Variants in CD55 observed in about 807,000 individuals in gnomAD.
The protein encoded by CD55 is CD55 molecule (Cromer blood group).
A neutral mutation model predicts 45.8 loss-of-function variants in CD55; 41 were observed. That is an observed-to-expected ratio of 0.90 (90% CI 0.70 to 1.16). CD55 has a LOEUF of 1.16. Ranked by LOEUF, CD55 falls within the 50% of genes most tolerant of loss-of-function variation. The pLI is 0.00. For synonymous variants in CD55, 181 were observed against 181.1 expected, an observed-to-expected ratio of 1.00 and a Z score of 0.01; for missense variants, 416 against 469.8, an observed-to-expected ratio of 0.89 and a Z score of 1.06.
At chr1:207,347,043 CT>C (rs1026992694) in intron 9 of CD55, 19 of 453,082 alleles carry the variant, frequency 4.2e-5, no homozygotes, top group African/African-American at 6.0e-5. Flanking sequence ...TCCTTCCTTG[CT>C]TTGGTGCATC....
intron 9 of CD55, among the ~76,000 whole-genome samples, chr1:207,358,044 A>G (rs1190145566): frequency 6.6e-6 from 1 of 152,176 alleles, no homozygotes; most frequent in Non-Finnish European, 1.5e-5. Flanking sequence ...AACCACAGAT[A>G]AGCAGACTAA....
At chr1:207,329,389 G>GT (rs1654839324) in intron 5 of CD55, among the ~76,000 whole-genome samples, 1 of 152,120 alleles carries the variant, frequency 6.6e-6, no homozygotes, top group South Asian at 2.1e-4. Context: ...CTCTATTAAT[G>GT]TTTCATCCAT....
chr1:207,340,791 T>G (rs897251790), intron 9 of CD55: 2 of 444,744 alleles, frequency 4.5e-6, no homozygotes, highest in African/African-American at 4.1e-5. Flanking sequence ...TGGTTTTATT[T>G]TCCTTTGGAT....
chr1:207,330,492 T>C (rs1441353547), intron 5 of CD55, among the ~76,000 whole-genome samples: 1 of 152,150 alleles, frequency 6.6e-6, no homozygotes, highest in Non-Finnish European at 1.5e-5. Flanking sequence ...TAAGATTGTT[T>C]TGAGTGAAGT....
intron 9 of CD55, among the ~76,000 whole-genome samples, chr1:207,341,568 A>G (rs1655428103): frequency 6.6e-6 from 1 of 152,140 alleles, no homozygotes; most frequent in Non-Finnish European, 1.5e-5. Flanking sequence ...AGCTATAAAT[A>G]TGTGGATTTA....
chr1:207,333,682 T>A (rs796699610), intron 6 of CD55, among the ~76,000 whole-genome samples: 1 of 152,120 alleles, frequency 6.6e-6, no homozygotes. Context: ...AAAAGAGAAC[T>A]TCAGTTGGAA....
chr1:207,352,844 T>C (rs1157849320), intron 9 of CD55, among the ~76,000 whole-genome samples: 1 of 152,130 alleles, frequency 6.6e-6, no homozygotes, highest in African/African-American at 2.4e-5. Flanking sequence ...AATATTTACA[T>C]GTTTTCTCTG....
chr1:207,359,516 C>CTTTT (rs56236833), intron 9 of CD55, 30 bp from the exon 10 acceptor site: 23,876 of 1,269,042 alleles, frequency 0.019, 31 homozygotes, highest in Middle Eastern at 0.027. Flanking sequence ...TTGATTTTAA[C>CTTTT]TTTTTTTTTT....
chr1:207,350,474 A>G (rs949050081), intron 9 of CD55, among the ~76,000 whole-genome samples: 1 of 152,144 alleles, frequency 6.6e-6, no homozygotes, highest in African/African-American at 2.4e-5. Context: ...CTGTGAATCC[A>G]TCTGGTACAG....
intron 6 of CD55, among the ~76,000 whole-genome samples, chr1:207,335,761 G>C (rs1655144464): frequency 6.6e-6 from 1 of 152,066 alleles, no homozygotes; most frequent in South Asian, 2.1e-4. Flanking sequence ...GAGTTCCTAG[G>C]GCATCCCGTG....
rs544980748 is a variant in CD55, at chr1:207,327,904, A to G, written c.664+1067A>G. Among the ~76,000 whole-genome samples the G allele has an allele frequency of 6.6e-5, 10 of 152,252 alleles. No individual in the cohort carries two copies. In the South Asian group the frequency reaches 2.1e-3, roughly 32 times the overall value. On this transcript the variant is annotated intron_variant, in intron 5 of 9. Transcript: ENST00000367064. The stretch of plus-strand genomic sequence containing the variant: ...TGTAGTTGTTTTTAAATTTTTCATC[A>G]TTGCTACCCAGTAGCACCTTTCCCA...
At chr1:207,331,711 T>C (rs1279843072) in intron 6 of CD55, among the ~76,000 whole-genome samples, 1 of 152,236 alleles carries the variant, frequency 6.6e-6, no homozygotes, top group Non-Finnish European at 1.5e-5. Context: ...TCTTGCCATC[T>C]GTTGACTTCA....
rs1225469368 is a variant in CD55 at position 207,337,418 on chromosome 1, A to G, written c.1060+9A>G. 1 of 1,508,044 alleles carries G rather than the reference A, an allele frequency of 6.6e-7. No individual in the cohort carries two copies. Among genetic ancestry groups the G allele is most frequent in the Admixed American group, 1.7e-5 (1 of 59,792 alleles). 93.4% of individuals were successfully genotyped at this position (1,508,044 alleles called of 1,614,324 possible). A position where few individuals can be genotyped will look rare whatever the true frequency, so the allele number is the denominator to read the frequency against. ...AAGTGGAACCACTTCAGGTCAGTTG[A>G]CACTGTTCAGGTTTACTGAGTATGG... is the stretch of plus-strand genomic sequence containing the variant. On this transcript the variant is annotated intron_variant, in intron 8 of 9. Transcript: ENST00000367064.
intron 9 of CD55, among the ~76,000 whole-genome samples, chr1:207,356,162 C>G (rs1445547919): frequency 6.6e-6 from 1 of 152,142 alleles, no homozygotes; most frequent in Non-Finnish European, 1.5e-5. Flanking sequence ...TGCTGGTACT[C>G]TATTAATTGG....
At chr1:207,339,135 T>C (rs1431370418) in intron 8 of CD55, among the ~76,000 whole-genome samples, 4 of 152,188 alleles carry the variant, frequency 2.6e-5, no homozygotes, top group African/African-American at 9.6e-5. Flanking sequence ...ATGGCATTTG[T>C]TTTGGTAATC....
chr1:207,321,981 C>T (rs541460000), intron 1 of CD55, 116 bp downstream of exon 1: 14 of 704,452 alleles, frequency 2.0e-5, no homozygotes, highest in South Asian at 9.3e-5. Context: ...GGCCCGCGGT[C>T]GTGGTTCCCG....
At chr1:207,340,598 C>G (rs1268232730) in intron 9 of CD55, 1 of 689,098 alleles carries the variant, frequency 1.5e-6, no homozygotes, top group African/African-American at 1.8e-5. Flanking sequence ...TTTCAAACTC[C>G]TGGCCGTAAG....
At position 207,360,657 on chromosome 1, in the gene CD55, C is replaced by T. The variant is rs1485616567; in HGVS notation, c.*1047C>T. The T allele has an allele frequency of 6.6e-6, 1 of 152,122 alleles. No homozygotes were observed. Among genetic ancestry groups the T allele is most frequent in the Non-Finnish European group, 1.5e-5 (1 of 68,010 alleles). 9.4% of individuals were successfully genotyped at this position (152,122 alleles called of 1,614,324 possible). On this transcript the variant is annotated 3_prime_UTR_variant, in exon 10 of 10. Coordinates refer to ENST00000367064, the MANE Select transcript of CD55 (RefSeq NM_000574.5). ...ACTTTAAAATTATATTGTACTTTCTCAAGCATGTCATATCCTTTCCTATTA... is the reference window on the plus strand; with the variant it reads ...ACTTTAAAATTATATTGTACTTTCTTAAGCATGTCATATCCTTTCCTATTA...
chr1:207,356,973 T>C lies in CD55; in HGVS notation c.1082-2573T>C, dbSNP rs577547608. ...AGCTGCCCTAATGCCTGTCCGTTTT[T>C]CCCATTAATAAGAAAACTATTAATT... On this transcript the variant is annotated intron_variant, in intron 9 of 9. Coordinates refer to ENST00000367064, the MANE Select transcript of CD55 (RefSeq NM_000574.5). Among the ~76,000 whole-genome samples the C allele has an allele frequency of 3.7e-4, 57 of 152,346 alleles. 2 individuals carry two copies. In the South Asian group the frequency reaches 0.011, roughly 30 times the overall value.
Sources: gnomAD v4.1 joint callset for allele counts (sites outside exome capture counted in the v4.1 genomes callset) on GRCh38, gnomAD v4.1.1 for gene constraint, MANE v1.5 for transcripts, NCBI Gene and HGNC (gene_info 2026-07-23, HGNC 2026-07-21) for gene names.